The following TAT variants were observed in gnomAD, a reference collection of about 807,000 sequenced individuals.
The protein encoded by TAT is tyrosine aminotransferase.
In TAT, 35 loss-of-function variants were observed where a neutral mutation model predicts 53.6. The ratio of observed to expected loss-of-function variants is 0.65; its 90% CI spans 0.50 to 0.87. TAT has a LOEUF of 0.87. Ranked by LOEUF, TAT falls within the 40% of genes least tolerant of loss-of-function variation. TAT has a pLI of 0.00. For synonymous variants in TAT, 197 were observed against 206.5 expected, an observed-to-expected ratio of 0.95 and a Z score of 0.39; for missense variants, 525 against 571.8, an observed-to-expected ratio of 0.92 and a Z score of 0.83.
intron 10 of TAT, 55 bp from the exon 11 acceptor site, chr16:71,568,864 T>C (rs2044182049): frequency 7.6e-7 from 1 of 1,323,746 alleles, no homozygotes; most frequent in African/African-American, 1.4e-5. Flanking sequence ...AACAGGCCAA[T>C]TTCCTGTGCC....
rs1354252269 is a variant in TAT at position 71,566,477 on chromosome 16, A to G, written c.*1667T>C. On this transcript the variant is annotated 3_prime_UTR_variant, in exon 12 of 12. Transcript: ENST00000355962. Reference sequence around the variant, plus strand: ...TGCCTATGAAGATTTGCGAAAAAAAAAAAAAAAAAAAAACATCTAGGACAC... The same window carrying G: ...TGCCTATGAAGATTTGCGAAAAAAAGAAAAAAAAAAAAACATCTAGGACAC... The G allele has an allele frequency of 6.6e-6, 1 of 151,710 alleles. No individual in the cohort carries two copies. The allele number at this position is 151,710 out of a possible 1,614,324, so 9.4% of individuals were successfully genotyped here. A position where few individuals can be genotyped will look rare whatever the true frequency, so the allele number is the denominator to read the frequency against.
rs1348637820 is a variant in TAT, at chr16:71,576,382, CT to C, written c.33del (p.Gly12AlafsTer23). Reference sequence around the variant, plus strand: ...ACGTCCAGAATTGAGGGGAGGTTGCCTTTGCTGCTCATCTGAATCATGTATG... The same window carrying C: ...ACGTCCAGAATTGAGGGGAGGTTGCCTTGCTGCTCATCTGAATCATGTATG... MDPYMIQMSS[K>X]GNLPSILDVH... On this transcript the variant is annotated frameshift_variant, in exon 2 of 12. Coordinates refer to ENST00000355962, the MANE Select transcript of TAT (RefSeq NM_000353.3). LOFTEE classifies it high-confidence loss of function. 6.2e-7 allele frequency: 1 copy of C among 1,614,056 alleles called. No homozygotes were observed. The highest frequency in any genetic ancestry group is 8.5e-7 in the Non-Finnish European group (1 of 1,180,048).
At chr16:71,572,040 G>T (rs1341566821) in intron 6 of TAT, 146 bp downstream of exon 6, 2 of 998,692 alleles carry the variant, frequency 2.0e-6, no homozygotes, top group African/African-American at 3.2e-5. Context: ...CCACTCCTAT[G>T]GCACAGTATT....
At chr16:71,575,387 T>C (rs1390049067) in intron 3 of TAT, 2 of 157,528 alleles carry the variant, frequency 1.3e-5, no homozygotes, top group African/African-American at 4.8e-5. Context: ...CTTCTATCCT[T>C]CAGTTTGACA....
intron 4 of TAT, among the ~76,000 whole-genome samples, 170 bp from the exon 5 acceptor site, chr16:71,572,858 ATTG>A (rs1460532687): frequency 6.6e-6 from 1 of 152,246 alleles, no homozygotes; most frequent in Non-Finnish European, 1.5e-5. Context: ...GTTGATAACT[ATTG>A]TTGAAATGTT....
rs958456504 is a variant in TAT at position 71,565,752 on chromosome 16, A to C, written c.*2392T>G. On this transcript the variant is annotated 3_prime_UTR_variant, in exon 12 of 12. Coordinates refer to ENST00000355962, the MANE Select transcript of TAT (RefSeq NM_000353.3). The stretch of plus-strand genomic sequence containing the variant: ...TTACATAGGCACAGTATAATCTGGA[A>C]GTATGACCAGCAAATGATAACTGAT... 1.3e-5 allele frequency: 2 copies of C among 149,678 alleles called. No individual in the cohort carries two copies. The highest frequency in any genetic ancestry group is 2.1e-4 in the South Asian group (1 of 4,828). The allele number at this position is 149,678 out of a possible 1,614,324, so 9.3% of individuals were successfully genotyped here. A position where few individuals can be genotyped will look rare whatever the true frequency, so the allele number is the denominator to read the frequency against.
At position 71,568,102 on chromosome 16, in the gene TAT, C is replaced by T; in HGVS notation, c.*42G>A. The T allele has an allele frequency of 6.2e-7, 1 of 1,613,984 alleles. No individual in the cohort carries two copies. Among genetic ancestry groups the T allele is most frequent in the East Asian group, 2.2e-5 (1 of 44,874 alleles). ...GAGGAGCCGCAAGGCCTAGTCCAGC[C>T]TTCCCTAGATGGGACACATCCTCAG... is the stretch of plus-strand genomic sequence containing the variant. On this transcript the variant is annotated 3_prime_UTR_variant, in exon 12 of 12. Transcript: ENST00000355962.
chr16:71,572,657 G>A lies in TAT; in HGVS notation c.440C>T (p.Ala147Val), dbSNP rs1412663625. Residue 147 changes from alanine (A) to valine (V), a missense_variant, in exon 5 of 12, where the codon GCT becomes GTT. Coordinates refer to ENST00000355962, the MANE Select transcript of TAT (RefSeq NM_000353.3). ...DVILTSGCSQ[A>V]IDLCLAVLAN... Reference sequence around the variant, plus strand: ...CAACACAGCTAAACAAAGGTCAATAGCTTGGCTGCAGCCACTTGTCAGAAT... The same window carrying A: ...CAACACAGCTAAACAAAGGTCAATAACTTGGCTGCAGCCACTTGTCAGAAT... The A allele has an allele frequency of 1.2e-6, 2 of 1,614,086 alleles. No individual in the cohort carries two copies. Among genetic ancestry groups the A allele is most frequent in the Non-Finnish European group, 1.7e-6 (2 of 1,180,046 alleles).
At chr16:71,573,266 C>T (rs1597054694) in intron 4 of TAT, among the ~76,000 whole-genome samples, 2 of 152,120 alleles carry the variant, frequency 1.3e-5, no homozygotes, top group East Asian at 3.8e-4. Flanking sequence ...CTTTTACAGA[C>T]AATCAAATAT....
chr16:71,570,373 T>G lies in TAT; in HGVS notation c.937A>C (p.Ser313Arg). Residue 313 changes from serine (S) to arginine (R), a missense_variant, in exon 9 of 12, where the codon AGT (serine) becomes CGT (arginine). Transcript: ENST00000355962. The part of the protein sequence containing the change: ...NEIRDGLVKL[S>R]QRILGPCTIV... Reference sequence around the variant, plus strand: ...GTACAGGGTCCCAAAATGCGCTGACTCAGCTTCACCAGCCCATCTCGGATC... The same window carrying G: ...GTACAGGGTCCCAAAATGCGCTGACGCAGCTTCACCAGCCCATCTCGGATC... 1 of 1,614,174 alleles carries G rather than the reference T, an allele frequency of 6.2e-7. No individual in the cohort carries two copies. Among genetic ancestry groups the G allele is most frequent in the East Asian group, 2.2e-5 (1 of 44,876 alleles).
At chr16:71,572,776 T>C (rs2044211687) in intron 4 of TAT, 88 bp from the exon 5 acceptor site, 2 of 1,469,310 alleles carry the variant, frequency 1.4e-6, no homozygotes, top group African/African-American at 1.4e-5. Flanking sequence ...TTGGGAGCAA[T>C]TGTGAACTTC....
chr16:71,574,533 A>T (rs1011835242), intron 3 of TAT, among the ~76,000 whole-genome samples: 6 of 147,402 alleles, frequency 4.1e-5, no homozygotes, highest in African/African-American at 1.3e-4. Flanking sequence ...GTGAGCCAAG[A>T]TCATGCCACT....
At position 71,576,237 on chromosome 16, in the gene TAT, A is replaced by G. The variant is rs369863503; in HGVS notation, c.179T>C (p.Val60Ala). 3 of 1,614,124 alleles carry G rather than the reference A, an allele frequency of 1.9e-6. No individual in the cohort carries two copies. Among genetic ancestry groups the G allele is most frequent in the Non-Finnish European group, 2.5e-6 (3 of 1,180,050 alleles). ...ATTTGGTTTCACCTTCATGTTGTCC[A>G]CAATGGCTCGGATGGGGTTGAAAGT... ...KKTFNPIRAI[V>A]DNMKVKPNPN... The change falls in exon 2 of 12, where the codon GTG (valine) becomes GCG (alanine). Residue 60 changes from valine to alanine, a missense_variant. By Grantham distance (64) the Val-to-Ala change is moderately conservative. Transcript: ENST00000355962.
chr16:71,573,205 T>C (rs1412830185), intron 4 of TAT, among the ~76,000 whole-genome samples: 2 of 152,218 alleles, frequency 1.3e-5, no homozygotes, highest in Admixed American at 6.5e-5. Flanking sequence ...ATCCTATTGG[T>C]AAAATTTTTT....
chr16:71,568,398 G>T, intron 11 of TAT, 114 bp from the exon 12 acceptor site: 2 of 1,035,738 alleles, frequency 1.9e-6, no homozygotes, highest in Non-Finnish European at 1.5e-6. Flanking sequence ...AGGGCCATCA[G>T]TTCATTCAGC....
intron 9 of TAT, 141 bp downstream of exon 9, chr16:71,570,128 C>T (rs1482660666): frequency 1.1e-5 from 16 of 1,431,792 alleles, no homozygotes; most frequent in East Asian, 7.3e-5. Flanking sequence ...AAGTGAGAAA[C>T]GTGTGTGTGG....
intron 6 of TAT, chr16:71,571,965 C>T: frequency 1.6e-6 from 1 of 645,034 alleles, no homozygotes; most frequent in Non-Finnish European, 2.7e-6. Flanking sequence ...AGTACTATTT[C>T]TTTTTCTCCT....
At chr16:71,572,869 G>C (rs1186543581) in intron 4 of TAT, among the ~76,000 whole-genome samples, 181 bp from the exon 5 acceptor site, 1 of 152,232 alleles carries the variant, frequency 6.6e-6, no homozygotes, top group South Asian at 2.1e-4. Flanking sequence ...TTGTTGAAAT[G>C]TTGGCCACTT....
In TAT at chr16:71,568,485, C is replaced by G. The variant is rs1567589933; in HGVS notation, c.1225-201G>C. ...ACTTGTGGGACAGGATCAATTTCCTCTCACCTAGAACGTTTGTTTACAACT... is the reference window on the plus strand; with the variant it reads ...ACTTGTGGGACAGGATCAATTTCCTGTCACCTAGAACGTTTGTTTACAACT... On this transcript the variant is annotated intron_variant, in intron 11 of 11. Coordinates refer to ENST00000355962, the MANE Select transcript of TAT (RefSeq NM_000353.3). The G allele has an allele frequency of 4.4e-6, 3 of 687,278 alleles. No homozygotes were observed. The East Asian group carries it at 8.1e-5, about 19-fold the overall frequency. The allele number at this position is 687,278 out of a possible 1,614,324, so 42.6% of individuals were successfully genotyped here. A position where few individuals can be genotyped will look rare whatever the true frequency, so the allele number is the denominator to read the frequency against.
Sources: gnomAD v4.1 joint callset for allele counts (sites outside exome capture counted in the v4.1 genomes callset) on GRCh38, gnomAD v4.1.1 for gene constraint, MANE v1.5 for transcripts, NCBI Gene and HGNC (gene_info 2026-07-23, HGNC 2026-07-21) for gene names.